Variants in PCDHGB6 observed in about 807,000 individuals in gnomAD.
PCDHGB6 encodes protocadherin gamma-B6.
PCDHGB6 carries 51 observed loss-of-function variants against 59.1 expected under a neutral mutation model. The observed-to-expected ratio is 0.86, with a 90% confidence interval of 0.69 to 1.09. The LOEUF is 1.09. Among genes scored for constraint, PCDHGB6 ranks in the 50% least tolerant of loss-of-function variants. The probability of loss-of-function intolerance (pLI) is 0.00; values close to 1 mark genes in which losing one functional copy is unlikely to be tolerated. For synonymous variants in PCDHGB6, 466 were observed against 495.1 expected (o/e 0.94, Z 0.78); for missense variants, 1,148 against 1,205.1 (o/e 0.95, Z 0.70).
At chr5:141,464,312 C>T (rs2099081610) in intron 1 of PCDHGB6, among the ~76,000 whole-genome samples, 1 of 149,056 alleles carries the variant, frequency 6.7e-6, no homozygotes, top group South Asian at 2.1e-4. Flanking sequence ...GTGCACATAT[C>T]ATTATCTGTT....
intron 1 of PCDHGB6, among the ~76,000 whole-genome samples, chr5:141,420,626 C>T (rs1192244062): frequency 6.6e-6 from 1 of 152,152 alleles, no homozygotes; most frequent in Non-Finnish European, 1.5e-5. Flanking sequence ...TTCATTTACT[C>T]AATAAAGGAA....
rs1562059777 is a variant in PCDHGB6, at chr5:141,477,098, G to C, written c.2419-17709G>C. 6.2e-7 allele frequency: 1 copy of C among 1,614,242 alleles called. No individual in the cohort carries two copies. Among genetic ancestry groups the C allele is most frequent in the Non-Finnish European group, 8.5e-7 (1 of 1,180,046 alleles). ...GATTTACATCCAGGCCAAAGACAAG[G>C]GCGCCAATCCCGAAGGAGCACATTG... On this transcript the variant is annotated intron_variant, in intron 1 of 3. Transcript: ENST00000520790. This position sits in a 1 kb window ranked among gnomAD's most constrained non-coding sequence, Gnocchi z 4.9.
Position 141,491,665 on chromosome 5 carries a change from C to T in PCDHGB6, c.2419-3142C>T, listed in dbSNP as rs749918160. 6.2e-7 allele frequency: 1 copy of T among 1,613,764 alleles called. No homozygotes were observed. The highest frequency in any genetic ancestry group is 8.5e-7 in the Non-Finnish European group (1 of 1,180,000). On this transcript the variant is annotated intron_variant, in intron 1 of 3. Transcript: ENST00000520790. The surrounding 1 kb of genome is among the most constrained non-coding windows in gnomAD (Gnocchi z 6.9). ...TCTGGCGCTGGAGCCTGACGCCATCCGGTCCCGCTCTAATACGCTGCGGGA... is the reference window on the plus strand; with the variant it reads ...TCTGGCGCTGGAGCCTGACGCCATCTGGTCCCGCTCTAATACGCTGCGGGA...
chr5:141,487,577 C>A lies in PCDHGB6; in HGVS notation c.2419-7230C>A. 1.2e-6 allele frequency: 2 copies of A among 1,614,150 alleles called. No individual in the cohort carries two copies. Among genetic ancestry groups the A allele is most frequent in the Non-Finnish European group, 1.7e-6 (2 of 1,180,024 alleles). ...ACCTATGGCAGGGGAGCCTGTTCGC[C>A]CAAGCTGCCCACCCTCTGATCTTCT... On this transcript the variant is annotated intron_variant, in intron 1 of 3. Coordinates refer to ENST00000520790, the MANE Select transcript of PCDHGB6 (RefSeq NM_018926.3). The surrounding 1 kb of genome is among the most constrained non-coding windows in gnomAD (Gnocchi z 5.0).
chr5:141,420,176 C>CA (rs1162032152), intron 1 of PCDHGB6: 5 of 1,613,874 alleles, frequency 3.1e-6, no homozygotes, highest in Non-Finnish European at 4.2e-6. Flanking sequence ...ATCTGTTGAT[C>CA]ATTGTCCAGC....
intron 1 of PCDHGB6, chr5:141,478,511 C>CA: frequency 3.1e-6 from 5 of 1,611,778 alleles, no homozygotes; most frequent in Non-Finnish European, 4.2e-6. Context: ...GTTCTATAGG[C>CA]AGGTGTTGGG....
At chr5:141,430,244 A>G (rs903055705) in intron 1 of PCDHGB6, among the ~76,000 whole-genome samples, 1 of 105,606 alleles carries the variant, frequency 9.5e-6, no homozygotes, top group Non-Finnish European at 1.8e-5. Context: ...AGAAACTCCT[A>G]GGGAGACATC....
intron 1 of PCDHGB6, chr5:141,428,221 G>T (rs1314522513): frequency 1.0e-5 from 12 of 1,177,166 alleles, no homozygotes; most frequent in East Asian, 4.9e-5. Context: ...CCTAGTCTTC[G>T]CAGACAGCCT....
intron 1 of PCDHGB6, chr5:141,422,453 G>GA: frequency 6.2e-7 from 1 of 1,611,704 alleles, no homozygotes. Context: ...ATAACAAGCA[G>GA]AGTGCTGGAC....
Position 141,511,375 on chromosome 5 carries a change from A to G in PCDHGB6, c.*202A>G. 2 of 1,236,730 alleles carry G rather than the reference A, an allele frequency of 1.6e-6. No individual in the cohort carries two copies. The highest frequency in any genetic ancestry group is 2.2e-6 in the Non-Finnish European group (2 of 912,840). 76.6% of individuals were successfully genotyped at this position (1,236,730 alleles called of 1,614,324 possible). A position where few individuals can be genotyped will look rare whatever the true frequency, so the allele number is the denominator to read the frequency against. On this transcript the variant is annotated 3_prime_UTR_variant, in exon 4 of 4. Coordinates refer to ENST00000520790, the MANE Select transcript of PCDHGB6 (RefSeq NM_018926.3). ...CCCAGGGGGTTGAATATGCAAAAGCAGTTCCGCTGGGAACCCCCATCCAAT... is the reference window on the plus strand; with the variant it reads ...CCCAGGGGGTTGAATATGCAAAAGCGGTTCCGCTGGGAACCCCCATCCAAT...
chr5:141,491,937 AC>A lies in PCDHGB6; in HGVS notation c.2419-2865del. ...CTGTGGGCGAGGGGAGGTGGGACCG[AC>A]CCCCACCCCTACACTCAAAAAAGGC... On this transcript the variant is annotated intron_variant, in intron 1 of 3. Transcript: ENST00000520790. This position sits in a 1 kb window ranked among gnomAD's most constrained non-coding sequence, Gnocchi z 6.9. The A allele has an allele frequency of 3.4e-6, 4 of 1,164,304 alleles. No homozygotes were observed. Among genetic ancestry groups the A allele is most frequent in the Non-Finnish European group, 4.7e-6 (4 of 858,404 alleles). The allele number at this position is 1,164,304 out of a possible 1,614,324, so 72.1% of individuals were successfully genotyped here.
chr5:141,467,874 G>T (rs926647135), intron 1 of PCDHGB6, among the ~76,000 whole-genome samples: 1 of 151,920 alleles, frequency 6.6e-6, no homozygotes, highest in Non-Finnish European at 1.5e-5. Context: ...GCCCAGGCTG[G>T]TCTCAAACTC....
At chr5:141,468,409 A>G (rs183146641) in intron 1 of PCDHGB6, 1 of 152,230 alleles carries the variant, frequency 6.6e-6, no homozygotes, top group East Asian at 1.9e-4. Flanking sequence ...AACTAATAAT[A>G]AGTTAGATAG....
At chr5:141,430,774 A>G (rs1269572813) in intron 1 of PCDHGB6, 11 of 1,508,872 alleles carry the variant, frequency 7.3e-6, no homozygotes, top group Non-Finnish European at 8.8e-7. Context: ...TTCCTGCGCG[A>G]CTGCACCGGG....
chr5:141,423,864 G>A (rs180692491), intron 1 of PCDHGB6: 551 of 1,284,224 alleles, frequency 4.3e-4, no homozygotes, highest in Non-Finnish European at 5.0e-4. Context: ...TTTTGTGAAA[G>A]TCATTTTTCA....
chr5:141,450,413 T>G (rs549247554), intron 1 of PCDHGB6, among the ~76,000 whole-genome samples: 1 of 152,334 alleles, frequency 6.6e-6, no homozygotes, highest in African/African-American at 2.4e-5. Context: ...GCCATTTGTC[T>G]TGTATAATGC....
chr5:141,470,323 A>C (rs1029928511), intron 1 of PCDHGB6, among the ~76,000 whole-genome samples: 1 of 152,188 alleles, frequency 6.6e-6, no homozygotes, highest in African/African-American at 2.4e-5. Flanking sequence ...AAATGATCCC[A>C]TAATTTGACC....
In PCDHGB6 at chr5:141,491,634, C is replaced by T; in HGVS notation, c.2419-3173C>T. On this transcript the variant is annotated intron_variant, in intron 1 of 3. Coordinates refer to ENST00000520790, the MANE Select transcript of PCDHGB6 (RefSeq NM_018926.3). This position sits in a 1 kb window ranked among gnomAD's most constrained non-coding sequence, Gnocchi z 6.9. ...TAAGACCCCTCAGCGTTCAGCAGCC[C>T]ACAGCTCTGGCGCTGGAGCCTGACG... 1 of 1,613,892 alleles carries T rather than the reference C, an allele frequency of 6.2e-7. No individual in the cohort carries two copies. Among genetic ancestry groups the T allele is most frequent in the South Asian group, 1.1e-5 (1 of 91,084 alleles).
chr5:141,410,623 G>T lies in PCDHGB6; in HGVS notation c.2418+3G>T. On this transcript the variant is annotated splice_donor_region_variant and intron_variant, in intron 1 of 3. Transcript: ENST00000520790. ...CACATCCTGAGACTCTGACTTCGGT[G>T]AGTTTCTCTTTTTTGTGTGTGATTT... 1.2e-6 allele frequency: 2 copies of T among 1,603,052 alleles called. No homozygotes were observed. The highest frequency in any genetic ancestry group is 1.7e-6 in the Non-Finnish European group (2 of 1,179,486).
Sources: gnomAD v4.1 joint callset for allele counts (sites outside exome capture counted in the v4.1 genomes callset) on GRCh38, gnomAD v4.1.1 for gene constraint, Gnocchi (gnomAD v3.1) non-coding constraint, MANE v1.5 for transcripts, NCBI Gene and HGNC (gene_info 2026-07-23, HGNC 2026-07-21) for gene names.